DOCK2: variants seen among roughly 807,000 people sequenced by gnomAD.
The protein encoded by DOCK2 is dedicator of cytokinesis protein 2.
DOCK2 carries 87 observed loss-of-function variants against 248.9 expected under a neutral mutation model. The observed-to-expected ratio is 0.35, with a 90% CI of 0.29 to 0.42. The LOEUF is 0.42. Among genes scored for constraint, DOCK2 ranks in the 10% least tolerant of loss-of-function variants. DOCK2 has a pLI of 1.00. For synonymous variants in DOCK2, 805 were observed against 821.6 expected, an observed-to-expected ratio of 0.98 and a Z score of 0.35; for missense variants, 1,747 against 2,300.2, an observed-to-expected ratio of 0.76 and a Z score of 4.92.
intron 27 of DOCK2, chr5:169,883,276 A>G (rs764730090): frequency 7.7e-6 from 12 of 1,551,602 alleles, no homozygotes; most frequent in African/African-American, 1.4e-5. Context: ...ACTGTGATAA[A>G]TATCATCTGG....
intron 27 of DOCK2, among the ~76,000 whole-genome samples, chr5:169,900,574 T>C (rs1303600308): frequency 6.6e-6 from 1 of 152,204 alleles, no homozygotes; most frequent in Non-Finnish European, 1.5e-5. Flanking sequence ...CAAACCTAAA[T>C]GTCGAGTCTC....
intron 27 of DOCK2, among the ~76,000 whole-genome samples, chr5:169,951,545 C>A (rs1038061844): frequency 2.0e-5 from 3 of 152,190 alleles, no homozygotes; most frequent in African/African-American, 4.8e-5. Flanking sequence ...GACATGGACA[C>A]CTGCCTTGGA....
intron 23 of DOCK2, among the ~76,000 whole-genome samples, chr5:169,751,377 A>G (rs560566949): frequency 5.3e-5 from 8 of 152,218 alleles, no homozygotes; most frequent in Non-Finnish European, 1.0e-4. Flanking sequence ...AGTTTCAGCT[A>G]GTGAAATAGT....
chr5:169,665,574 T>A (rs1242892185), intron 2 of DOCK2, among the ~76,000 whole-genome samples: 1 of 152,206 alleles, frequency 6.6e-6, no homozygotes, highest in African/African-American at 2.4e-5. Flanking sequence ...TATTCTTTTT[T>A]CTTTTGTCCA....
At chr5:169,873,668 G>C (rs940149373) in intron 27 of DOCK2, among the ~76,000 whole-genome samples, 2 of 152,206 alleles carry the variant, frequency 1.3e-5, no homozygotes, top group Non-Finnish European at 2.9e-5. Flanking sequence ...GTGAAAAGTT[G>C]GCTGCTAAAC....
In DOCK2 at chr5:169,702,472, G is replaced by A. The variant is rs375206558; in HGVS notation, c.1383+45G>A. ...TCTGGGTGACAGGGTCCGCCTTGGGGGCCTCTGCTTGTAAAGACGTACTTT... is the reference window on the plus strand; with the variant it reads ...TCTGGGTGACAGGGTCCGCCTTGGGAGCCTCTGCTTGTAAAGACGTACTTT... On this transcript the variant is annotated intron_variant, in intron 14 of 51. Coordinates refer to ENST00000520908, the MANE Select transcript of DOCK2 (RefSeq NM_004946.3). The A allele has an allele frequency of 7.1e-4, 1,145 of 1,607,422 alleles. 27 individuals are homozygous for A. The South Asian group carries it at 0.011, about 15-fold the overall frequency.
chr5:169,736,074 G>A (rs1191126084), intron 22 of DOCK2, among the ~76,000 whole-genome samples: 4 of 152,016 alleles, frequency 2.6e-5, no homozygotes, highest in Non-Finnish European at 5.9e-5. Context: ...AGCAAGAAGG[G>A]AATCTGCCCC....
In DOCK2 at chr5:170,075,983, A is replaced by G; in HGVS notation, c.4765A>G (p.Lys1589Glu). The change falls in exon 47 of 52, where the codon AAA becomes GAA. Residue 1589 changes from lysine to glutamate, a missense_variant. By Grantham distance (56) the Lys-to-Glu change is moderately conservative (BLOSUM62 1). This residue lies in a region of DOCK2 where 513 missense variants were observed against 586.1 expected (regional missense o/e 0.88). Transcript: ENST00000520908. ...GGGAGCTGGGATTAAGATCCATGAGAAAAGGGTGTCAGATAACTTGCGACC... is the reference window on the plus strand; with the variant it reads ...GGGAGCTGGGATTAAGATCCATGAGGAAAGGGTGTCAGATAACTTGCGACC... ...FLGAGIKIHE[K>E]RVSDNLRPFH... The G allele has an allele frequency of 1.2e-6, 2 of 1,614,140 alleles. No individual in the cohort carries two copies. Among genetic ancestry groups the G allele is most frequent in the South Asian group, 2.2e-5 (2 of 91,090 alleles).
intron 26 of DOCK2, among the ~76,000 whole-genome samples, chr5:169,818,840 G>A (rs895996774): frequency 6.6e-5 from 10 of 152,232 alleles, no homozygotes; most frequent in Middle Eastern, 3.4e-3. Context: ...ATAATTTCAG[G>A]TGAGTGAATA....
At position 169,921,816 on chromosome 5, in the gene DOCK2, G is replaced by A. The variant is rs1036929854; in HGVS notation, c.2800-61252G>A. Among the ~76,000 whole-genome samples the A allele has an allele frequency of 6.6e-5, 10 of 152,094 alleles. 1 individual carries two copies. The highest frequency in any genetic ancestry group is 3.9e-4 in the Admixed American group (6 of 15,258). The stretch of plus-strand genomic sequence containing the variant: ...CAGTCTTCTCCCAGAGCTCTTAATC[G>A]AACTTTTAAGTTTCTCAATTGAATA... On this transcript the variant is annotated intron_variant, in intron 27 of 51. Coordinates refer to ENST00000520908, the MANE Select transcript of DOCK2 (RefSeq NM_004946.3).
chr5:169,806,282 G>T (rs1378460677), intron 26 of DOCK2, among the ~76,000 whole-genome samples: 1 of 135,104 alleles, frequency 7.4e-6, no homozygotes. Context: ...TACAACTATA[G>T]GTACCAGCCA....
intron 27 of DOCK2, among the ~76,000 whole-genome samples, chr5:169,926,878 C>G (rs1270722791): frequency 6.6e-6 from 1 of 152,060 alleles, no homozygotes; most frequent in Non-Finnish European, 1.5e-5. Context: ...AAAAAAAGAC[C>G]AGTACATGAA....
intron 27 of DOCK2, among the ~76,000 whole-genome samples, chr5:169,860,930 G>C (rs1201563464): frequency 1.3e-5 from 2 of 152,134 alleles, no homozygotes; most frequent in African/African-American, 4.8e-5. Flanking sequence ...ACATGATATT[G>C]TTTTTCTTCA....
chr5:169,674,910 T>C (rs1392533571), intron 6 of DOCK2, among the ~76,000 whole-genome samples: 1 of 152,058 alleles, frequency 6.6e-6, no homozygotes, highest in Admixed American at 6.5e-5. Context: ...GAAGTAAAAA[T>C]TGGTTGGATT....
chr5:169,782,685 G>A (rs995558420), intron 25 of DOCK2, among the ~76,000 whole-genome samples: 3 of 151,972 alleles, frequency 2.0e-5, no homozygotes, highest in African/African-American at 2.4e-5. Context: ...GTAGGTCTTC[G>A]GTTCTCAACT....
At chr5:169,767,994 G>A (rs925057670) in intron 25 of DOCK2, among the ~76,000 whole-genome samples, 1 of 152,176 alleles carries the variant, frequency 6.6e-6, no homozygotes, top group Non-Finnish European at 1.5e-5. Context: ...TTTCTCTCCT[G>A]TGCAAAGTCT....
intron 27 of DOCK2, among the ~76,000 whole-genome samples, chr5:169,902,545 G>A (rs1773986608): frequency 6.6e-6 from 1 of 152,162 alleles, no homozygotes; most frequent in Admixed American, 6.5e-5. Flanking sequence ...CCTTGACCTG[G>A]GTTGAGAAAA....
At chr5:169,701,271 T>G (rs1269079618) in intron 13 of DOCK2, among the ~76,000 whole-genome samples, 1 of 152,252 alleles carries the variant, frequency 6.6e-6, no homozygotes, top group African/African-American at 2.4e-5. Context: ...GTCTTCAAAC[T>G]AAATTTGTTG....
intron 25 of DOCK2, among the ~76,000 whole-genome samples, chr5:169,766,483 T>G (rs1165960611): frequency 6.6e-6 from 1 of 152,214 alleles, no homozygotes; most frequent in Non-Finnish European, 1.5e-5. Flanking sequence ...CAGCGCGTGT[T>G]TAGGTTGATT....
Sources: gnomAD v4.1 joint callset for allele counts (sites outside exome capture counted in the v4.1 genomes callset) on GRCh38, gnomAD v4.1.1 for gene constraint, gnomAD v4.1.1 regional missense constraint, MANE v1.5 for transcripts, NCBI Gene and HGNC (gene_info 2026-07-23, HGNC 2026-07-21) for gene names.